LMO7: variants seen among roughly 807,000 people sequenced by gnomAD.
LMO7 encodes LIM domain 7.
Under a neutral mutation model 206.5 loss-of-function variants are expected in LMO7, and 120 were observed. That is an observed-to-expected ratio of 0.58 (90% CI 0.50 to 0.68). The LOEUF (loss-of-function observed/expected upper bound fraction) is 0.68. Among genes scored for constraint, LMO7 ranks in the 30% least tolerant of loss-of-function variants. The probability of loss-of-function intolerance (pLI) is 0.00; values close to 1 mark genes in which losing one functional copy is unlikely to be tolerated. For missense variants in LMO7, 1,959 were observed against 1,957.9 expected (o/e 1.00, Z -0.01); for synonymous variants, 706 against 681.5 (o/e 1.04, Z -0.56).
rs557778570 is a variant in LMO7, at chr13:75,807,594, T to G, written c.1311T>G (p.Asn437Lys). 3 of 1,613,954 alleles carry G rather than the reference T, an allele frequency of 1.9e-6. No homozygotes were observed. The South Asian group carries it at 3.3e-5, about 18-fold the overall frequency. ...SGPRLITRRK[N>K]LSYAPGYRRD... ...CAAGGCTCATAACCCGCAGGAAGAA[T>G]CTCTCTTATGCACCAGGCTATAGAA... Residue 437 changes from asparagine to lysine, a missense_variant, in exon 10 of 31, where the codon AAT (asparagine) becomes AAG (lysine). Coordinates refer to ENST00000377534, the MANE Select transcript of LMO7 (RefSeq NM_001306080.2).
chr13:75,692,318 A>G (rs930448617), intron 1 of LMO7, among the ~76,000 whole-genome samples: 1 of 152,170 alleles, frequency 6.6e-6, no homozygotes, highest in African/African-American at 2.4e-5. Context: ...TCGTTAGTTC[A>G]TTCAGTGTCT....
intron 25 of LMO7, among the ~76,000 whole-genome samples, chr13:75,844,141 T>A (rs187983076): frequency 1.1e-3 from 161 of 152,282 alleles, no homozygotes; most frequent in African/African-American, 3.8e-3. Context: ...CTGGAAAATA[T>A]GAATACCTGC....
At chr13:75,840,324 G>A in intron 21 of LMO7, 67 bp from the exon 22 acceptor site, 1 of 1,557,684 alleles carries the variant, frequency 6.4e-7, no homozygotes, top group Non-Finnish European at 8.8e-7. Context: ...TGCAAAAGTG[G>A]TTCAGTAGAT....
intron 1 of LMO7, among the ~76,000 whole-genome samples, chr13:75,658,914 G>A (rs2038312042): frequency 6.6e-6 from 1 of 152,108 alleles, no homozygotes; most frequent in Non-Finnish European, 1.5e-5. Flanking sequence ...TAATTGGTTA[G>A]TGTAGAAAAA....
chr13:75,621,937 G>T, intron 1 of LMO7: 1 of 1,230,530 alleles, frequency 8.1e-7, no homozygotes, highest in Non-Finnish European at 1.1e-6. Flanking sequence ...ATCTCCATTT[G>T]GCTTTTCTTT....
intron 1 of LMO7, among the ~76,000 whole-genome samples, chr13:75,673,746 T>C (rs2039782379): frequency 6.6e-6 from 1 of 152,208 alleles, no homozygotes; most frequent in South Asian, 2.1e-4. Context: ...ATTTAAAAAG[T>C]ATTTTTTTCT....
intron 4 of LMO7, among the ~76,000 whole-genome samples, chr13:75,794,704 C>T (rs756171259): frequency 6.6e-6 from 1 of 152,138 alleles, no homozygotes; most frequent in African/African-American, 2.4e-5. Context: ...TGTGAAGTAG[C>T]ATATTGTTGC....
chr13:75,805,103 A>G, intron 8 of LMO7: 1 of 1,024,046 alleles, frequency 9.8e-7, no homozygotes, highest in Non-Finnish European at 1.2e-6. Flanking sequence ...GTCCGCAAAT[A>G]TTTTCTCCTG....
chr13:75,689,339 G>A (rs1254154265), intron 1 of LMO7: 1 of 152,158 alleles, frequency 6.6e-6, no homozygotes, highest in Non-Finnish European at 1.5e-5. Flanking sequence ...CTGGACATAG[G>A]ATTAAATGCT....
In LMO7 at chr13:75,819,462, GA is replaced by G. The variant is rs2057366283; in HGVS notation, c.2136del (p.Glu713LysfsTer55). On this transcript the variant is annotated frameshift_variant, in exon 13 of 31. Coordinates refer to ENST00000377534, the MANE Select transcript of LMO7 (RefSeq NM_001306080.2). LOFTEE classifies it high-confidence loss of function. The part of the protein sequence containing the change: ...SDLQKKKEER[E>X]EIEKQALEKS... ...TCTGCAGAAGAAAAAAGAAGAGAGA[GA>G]AGAAATTGAAAAGCAGGCACTTGAG... 1 of 1,613,094 alleles carries G rather than the reference GA, an allele frequency of 6.2e-7. No homozygotes were observed. Among genetic ancestry groups the G allele is most frequent in the Non-Finnish European group, 8.5e-7 (1 of 1,179,774 alleles).
intron 4 of LMO7, 64 bp from the exon 5 acceptor site, chr13:75,795,337 C>G: frequency 9.0e-7 from 1 of 1,106,560 alleles, no homozygotes; most frequent in South Asian, 1.5e-5. Context: ...GAGTTTTTTT[C>G]TAGCTATAAT....
intron 4 of LMO7, among the ~76,000 whole-genome samples, chr13:75,789,633 G>A (rs186235022): frequency 1.2e-4 from 18 of 152,296 alleles, no homozygotes; most frequent in African/African-American, 4.3e-4. Flanking sequence ...CATGTGGCCA[G>A]TGTGGCTCCA....
chr13:75,707,540 C>T (rs1358741187), intron 1 of LMO7, among the ~76,000 whole-genome samples: 1 of 151,934 alleles, frequency 6.6e-6, no homozygotes, highest in Non-Finnish European at 1.5e-5. Flanking sequence ...GTTCTGTGTG[C>T]CTGTCCTGTT....
chr13:75,716,200 T>A (rs988574009), intron 2 of LMO7, among the ~76,000 whole-genome samples: 5 of 152,208 alleles, frequency 3.3e-5, no homozygotes, highest in Non-Finnish European at 5.9e-5. Flanking sequence ...ACTCTTTCCT[T>A]TTGAACTGGT....
chr13:75,760,650 A>G (rs1594777833), intron 3 of LMO7: 1 of 1,487,066 alleles, frequency 6.7e-7, no homozygotes, highest in Non-Finnish European at 8.9e-7. Flanking sequence ...GTGGCTAGGC[A>G]CTTGTCCTGT....
intron 2 of LMO7, chr13:75,627,555 T>C (rs892701072): frequency 6.6e-6 from 1 of 151,954 alleles, no homozygotes; most frequent in Admixed American, 6.6e-5. Flanking sequence ...CCAAATAAAG[T>C]TAATGAGAGA....
chr13:75,712,753 A>G (rs529603962), intron 1 of LMO7, among the ~76,000 whole-genome samples: 3 of 152,348 alleles, frequency 2.0e-5, no homozygotes, highest in Non-Finnish European at 2.9e-5. Flanking sequence ...TTTGAGGAAT[A>G]TAAAGATGGA....
intron 3 of LMO7, among the ~76,000 whole-genome samples, chr13:75,738,045 G>A (rs183088973): frequency 4.0e-4 from 61 of 151,816 alleles, no homozygotes; most frequent in African/African-American, 1.3e-3. Context: ...GAAGACAGTC[G>A]TCTTGGCCAA....
chr13:75,770,888 A>G (rs2049554007), intron 4 of LMO7, among the ~76,000 whole-genome samples: 1 of 152,126 alleles, frequency 6.6e-6, no homozygotes, highest in Admixed American at 6.6e-5. Flanking sequence ...GACCTTGGGC[A>G]GTAATGAAGC....
Sources: gnomAD v4.1 joint callset for allele counts (sites outside exome capture counted in the v4.1 genomes callset) on GRCh38, gnomAD v4.1.1 for gene constraint, MANE v1.5 for transcripts, NCBI Gene and HGNC (gene_info 2026-07-23, HGNC 2026-07-21) for gene names.